TENM4: variants seen among roughly 807,000 people sequenced by gnomAD.
The protein encoded by TENM4 is teneurin-4.
Under a neutral mutation model 243.3 loss-of-function variants are expected in TENM4, and 82 were observed. That is an observed-to-expected ratio of 0.34 (90% CI 0.28 to 0.40). The LOEUF (loss-of-function observed/expected upper bound fraction) is 0.40, where lower values mean the gene tolerates loss of function less well. Ranked by LOEUF, TENM4 falls within the 10% of genes least tolerant of loss-of-function variation. The probability of loss-of-function intolerance (pLI) is 1.00; values close to 1 mark genes in which losing one functional copy is unlikely to be tolerated. For synonymous variants in TENM4, 1,412 were observed against 1,456.3 expected (o/e 0.97, Z 0.69); for missense variants, 3,138 against 3,673.3 (o/e 0.85, Z 3.77).
intron 6 of TENM4, among the ~76,000 whole-genome samples, chr11:79,029,037 AT>A (rs1859158527): frequency 6.6e-6 from 1 of 152,078 alleles, no homozygotes; most frequent in Non-Finnish European, 1.5e-5. Context: ...ATTTACTCAC[AT>A]TTTGCATCCT....
intron 2 of TENM4, among the ~76,000 whole-genome samples, chr11:79,279,900 G>A (rs979337555): frequency 2.0e-5 from 3 of 152,178 alleles, no homozygotes; most frequent in Non-Finnish European, 4.4e-5. Context: ...GTTAGGTTAT[G>A]AGAGCTCTAC....
At chr11:78,945,837 A>G (rs1856993135) in intron 6 of TENM4, among the ~76,000 whole-genome samples, 1 of 152,224 alleles carries the variant, frequency 6.6e-6, no homozygotes, top group Admixed American at 6.5e-5. Flanking sequence ...CTTAAACCAA[A>G]GCCTAATCCA....
At chr11:78,762,822 A>G (rs1856458447) in intron 18 of TENM4, among the ~76,000 whole-genome samples, 1 of 152,160 alleles carries the variant, frequency 6.6e-6, no homozygotes, top group Admixed American at 6.5e-5. Context: ...GTGAGGGGGA[A>G]TGGCTCCCAA....
intron 2 of TENM4, among the ~76,000 whole-genome samples, chr11:79,235,800 T>C (rs975966674): frequency 2.6e-5 from 4 of 152,202 alleles, no homozygotes; most frequent in Non-Finnish European, 5.9e-5. Context: ...GAACACTCCC[T>C]TCTCCAGGCC....
chr11:79,183,065 C>T (rs553950648), intron 3 of TENM4, among the ~76,000 whole-genome samples: 13 of 152,122 alleles, frequency 8.5e-5, no homozygotes, highest in Non-Finnish European at 1.6e-4. Context: ...GGTATTTACC[C>T]AAATGAATTG....
At chr11:78,881,051 G>A (rs142805479) in intron 9 of TENM4, among the ~76,000 whole-genome samples, 18 of 152,322 alleles carry the variant, frequency 1.2e-4, no homozygotes, top group African/African-American at 4.1e-4. Context: ...TTAATTTTCT[G>A]TATGTACATT....
At chr11:79,313,722 C>G (rs1457459084) in intron 1 of TENM4, among the ~76,000 whole-genome samples, 1 of 152,170 alleles carries the variant, frequency 6.6e-6, no homozygotes. Context: ...TCTATCATCA[C>G]CGAGCTCCAG....
In TENM4 at chr11:79,063,349, A is replaced by T. The variant is rs148751767; in HGVS notation, c.493+1389T>A. 2.6e-3 allele frequency among the ~76,000 whole-genome samples: 400 copies of T among 152,242 alleles called. 2 individuals carry two copies. Among genetic ancestry groups the T allele is most frequent in the African/African-American group, 8.8e-3 (364 of 41,542 alleles). ...GGAATCCCGGGCAGGAATCACGAGGATCTACATTTGAAGCTAGAAGCCAGC... is the reference window on the plus strand; with the variant it reads ...GGAATCCCGGGCAGGAATCACGAGGTTCTACATTTGAAGCTAGAAGCCAGC... On this transcript the variant is annotated intron_variant, in intron 6 of 33. Transcript: ENST00000278550.
chr11:79,101,869 G>T (rs1282075187), intron 4 of TENM4, among the ~76,000 whole-genome samples: 1 of 152,156 alleles, frequency 6.6e-6, no homozygotes, highest in Non-Finnish European at 1.5e-5. Context: ...TACCACTCCA[G>T]CCAAAACAGG....
chr11:78,800,358 G>A (rs1857255344), intron 15 of TENM4, among the ~76,000 whole-genome samples: 1 of 152,296 alleles, frequency 6.6e-6, no homozygotes, highest in African/African-American at 2.4e-5. Flanking sequence ...TCTTGTCCAG[G>A]AGGGCTTCTG....
chr11:79,314,416 C>T (rs1044355267), intron 1 of TENM4, among the ~76,000 whole-genome samples: 3 of 152,126 alleles, frequency 2.0e-5, no homozygotes, highest in Non-Finnish European at 4.4e-5. Context: ...TTGAGTTTAC[C>T]TGTGGTGTTG....
intron 6 of TENM4, among the ~76,000 whole-genome samples, chr11:79,057,785 C>T (rs1325364198): frequency 3.3e-5 from 5 of 152,270 alleles, no homozygotes; most frequent in Non-Finnish European, 7.4e-5. Flanking sequence ...CCTCCTAGTA[C>T]ACTCTGCCAC....
chr11:79,264,737 T>C lies in TENM4; in HGVS notation c.-265+32751A>G, dbSNP rs371104047. On this transcript the variant is annotated intron_variant, in intron 2 of 33. Transcript: ENST00000278550. ...ACTTGTAGAAAATACTTGGATCCCA[T>C]TCCCATTTCAAACCAATGGAATCAG... 1.6e-4 allele frequency among the ~76,000 whole-genome samples: 25 copies of C among 152,310 alleles called. No homozygotes were observed. The East Asian group carries it at 4.4e-3, about 27-fold the overall frequency.
At chr11:79,151,277 T>C (rs748616541) in intron 3 of TENM4, among the ~76,000 whole-genome samples, 10 of 152,202 alleles carry the variant, frequency 6.6e-5, no homozygotes, top group Non-Finnish European at 1.5e-4. Context: ...CTTCCATCTC[T>C]TTGCTGTGGC....
chr11:79,092,852 G>C (rs1180040820), intron 4 of TENM4: 1 of 152,182 alleles, frequency 6.6e-6, no homozygotes, highest in African/African-American at 2.4e-5. Context: ...CTGGAGAGCT[G>C]GCTGCTAGCC....
At chr11:78,715,338 T>C (rs1481804093) in intron 25 of TENM4, among the ~76,000 whole-genome samples, 4 of 152,174 alleles carry the variant, frequency 2.6e-5, no homozygotes, top group Non-Finnish European at 4.4e-5. Flanking sequence ...TTTTTTTCAT[T>C]TCTTTGCACA....
At chr11:78,778,730 C>A in intron 16 of TENM4, 102 bp from the exon 17 acceptor site, 2 of 1,125,962 alleles carry the variant, frequency 1.8e-6, no homozygotes, top group Non-Finnish European at 1.3e-6. Context: ...GGGATTGTGC[C>A]CCACGTTTGG....
chr11:79,422,772 G>C (rs1442187810), intron 1 of TENM4, among the ~76,000 whole-genome samples: 1 of 152,188 alleles, frequency 6.6e-6, no homozygotes, highest in Non-Finnish European at 1.5e-5. Context: ...CTGACCCAAG[G>C]CTGGTTCTGG....
chr11:79,328,275 T>C (rs1012128264), intron 1 of TENM4, among the ~76,000 whole-genome samples: 1 of 152,184 alleles, frequency 6.6e-6, no homozygotes, highest in African/African-American at 2.4e-5. Flanking sequence ...TCAAGTGACT[T>C]ACCCAGGAAC....
Sources: allele counts gnomAD v4.1 joint callset (sites outside exome capture counted in the v4.1 genomes callset), GRCh38; gene constraint gnomAD v4.1.1; transcripts MANE v1.5; gene names NCBI Gene and HGNC (gene_info 2026-07-23, HGNC 2026-07-21).